The following RNMT variants were observed in gnomAD, a reference collection of about 807,000 sequenced individuals.
RNMT encodes RNA guanine-7 methyltransferase, also known as mRNA cap guanine-N(7) methyltransferase.
In RNMT, 27 loss-of-function variants were observed where a neutral mutation model predicts 56.0. That is an observed-to-expected ratio of 0.48 (90% CI 0.36 to 0.67). The LOEUF is 0.67. Ranked by LOEUF, RNMT falls within the 30% of genes least tolerant of loss-of-function variation. The pLI is 0.00. For synonymous variants in RNMT, 184 were observed against 176.2 expected, an observed-to-expected ratio of 1.04 and a Z score of -0.35; for missense variants, 519 against 552.1, an observed-to-expected ratio of 0.94 and a Z score of 0.60.
chr18:13,753,852 AT>A (rs2044498468), intron 10 of RNMT, among the ~76,000 whole-genome samples: 1 of 93,250 alleles, frequency 1.1e-5, no homozygotes, highest in Non-Finnish European at 2.4e-5. Flanking sequence ...CACACACACA[AT>A]GCCCTCTTCA....
intron 5 of RNMT, 93 bp downstream of exon 5, chr18:13,737,228 A>G (rs1568501556): frequency 1.8e-6 from 2 of 1,124,250 alleles, no homozygotes; most frequent in South Asian, 1.7e-5. Flanking sequence ...ATCTGGGACT[A>G]TGCATGAGAT....
At chr18:13,758,084 C>CAGTA (rs2044572310) in intron 11 of RNMT, among the ~76,000 whole-genome samples, 1 of 152,154 alleles carries the variant, frequency 6.6e-6, no homozygotes, top group Non-Finnish European at 1.5e-5. Context: ...CTAAAATACT[C>CAGTA]AGTAAACCGT....
chr18:13,747,800 A>T (rs541379251), intron 9 of RNMT, among the ~76,000 whole-genome samples: 1 of 152,282 alleles, frequency 6.6e-6, no homozygotes, highest in South Asian at 2.1e-4. Flanking sequence ...TTGGCTTTAT[A>T]TTAGGAATGG....
At chr18:13,732,385 T>C (rs75714597) in intron 3 of RNMT, among the ~76,000 whole-genome samples, 1 of 152,158 alleles carries the variant, frequency 6.6e-6, no homozygotes, top group Non-Finnish European at 1.5e-5. Flanking sequence ...CAGCTCTAGT[T>C]TTTTTGTCAG....
chr18:13,755,979 G>A (rs1010566840), intron 11 of RNMT, among the ~76,000 whole-genome samples: 1 of 152,164 alleles, frequency 6.6e-6, no homozygotes. Context: ...ATTGCACCTC[G>A]GGTGTAGCAC....
intron 5 of RNMT, among the ~76,000 whole-genome samples, chr18:13,739,563 A>G (rs12104086): frequency 0.24 from 36,484 of 152,158 alleles, 5,257 homozygotes; most frequent in East Asian, 0.37. Flanking sequence ...AGGGTGGATC[A>G]CTTGAGGCCA....
Position 13,761,205 on chromosome 18 carries a change from T to G in RNMT, c.*1226T>G, listed in dbSNP as rs950524728. The G allele has an allele frequency of 2.0e-6, 2 of 985,356 alleles. No individual in the cohort carries two copies. Among genetic ancestry groups the G allele is most frequent in the South Asian group, 4.7e-5 (1 of 21,294 alleles). 61.0% of individuals were successfully genotyped at this position (985,356 alleles called of 1,614,324 possible). A position where few individuals can be genotyped will look rare whatever the true frequency, so the allele number is the denominator to read the frequency against. ...TTGCAAACTTTTTAGCAAGAAAATA[T>G]GGATTTCCTCATTTCAGTTCCTTCT... On this transcript the variant is annotated 3_prime_UTR_variant, in exon 12 of 12. Coordinates refer to ENST00000383314, the MANE Select transcript of RNMT (RefSeq NM_003799.3).
At chr18:13,755,990 C>G (rs1434679973) in intron 11 of RNMT, among the ~76,000 whole-genome samples, 1 of 152,152 alleles carries the variant, frequency 6.6e-6, no homozygotes, top group African/African-American at 2.4e-5. Context: ...GGTGTAGCAC[C>G]CCAGGATTGT....
intron 11 of RNMT, 92 bp from the exon 12 acceptor site, chr18:13,759,850 C>A: frequency 1.8e-6 from 2 of 1,095,634 alleles, no homozygotes; most frequent in South Asian, 1.4e-5. Context: ...TGCTTGAGAG[C>A]CTAAGAATTT....
intron 8 of RNMT, 121 bp from the exon 9 acceptor site, chr18:13,746,099 A>G: frequency 1.6e-6 from 1 of 636,262 alleles, no homozygotes; most frequent in Non-Finnish European, 2.8e-6. Flanking sequence ...TGTATTGTGA[A>G]TTTATCAAGG....
chr18:13,764,383 G>A lies in RNMT; in HGVS notation c.*4404G>A. Reference sequence around the variant, plus strand: ...TCCTGAGTTCTAAGCGCATAGATTAGTTCTGTCTGGTTTGGGGAGATATAT... The same window carrying A: ...TCCTGAGTTCTAAGCGCATAGATTAATTCTGTCTGGTTTGGGGAGATATAT... On this transcript the variant is annotated 3_prime_UTR_variant, in exon 12 of 12. Coordinates refer to ENST00000383314, the MANE Select transcript of RNMT (RefSeq NM_003799.3). The A allele has an allele frequency of 6.6e-6, 1 of 152,130 alleles. No homozygotes were observed. The highest frequency in any genetic ancestry group is 1.9e-4 in the East Asian group (1 of 5,190). 9.4% of individuals were successfully genotyped at this position (152,130 alleles called of 1,614,324 possible).
chr18:13,753,336 G>GC (rs1459484820), intron 10 of RNMT, among the ~76,000 whole-genome samples: 1 of 152,132 alleles, frequency 6.6e-6, no homozygotes, highest in East Asian at 1.9e-4. Flanking sequence ...GTGGTGACGG[G>GC]CCCCTATAGT....
At chr18:13,734,331 G>T in intron 3 of RNMT, 133 bp from the exon 4 acceptor site, 3 of 709,682 alleles carry the variant, frequency 4.2e-6, no homozygotes, top group Non-Finnish European at 6.7e-6. Context: ...TGAGACTTCT[G>T]TGGTTAATTG....
Position 13,760,123 on chromosome 18 carries a change from C to G in RNMT, c.*144C>G. 7.2e-7 allele frequency: 1 copy of G among 1,393,840 alleles called. No homozygotes were observed. Among genetic ancestry groups the G allele is most frequent in the Non-Finnish European group, 9.3e-7 (1 of 1,070,452 alleles). The allele number at this position is 1,393,840 out of a possible 1,614,324, so 86.3% of individuals were successfully genotyped here. A position where few individuals can be genotyped will look rare whatever the true frequency, so the allele number is the denominator to read the frequency against. ...TGCCAGAAACTCCAATGTAGAAATT[C>G]AACATTTGCTGTCTGTGACAGATGA... On this transcript the variant is annotated 3_prime_UTR_variant, in exon 12 of 12. Transcript: ENST00000383314.
chr18:13,754,640 C>A (rs1291773605), intron 11 of RNMT, among the ~76,000 whole-genome samples: 1 of 152,194 alleles, frequency 6.6e-6, no homozygotes, highest in African/African-American at 2.4e-5. Context: ...AGAGAAGATA[C>A]ACTGTACACA....
chr18:13,747,755 A>G (rs1034123259), intron 9 of RNMT, among the ~76,000 whole-genome samples: 2 of 152,142 alleles, frequency 1.3e-5, no homozygotes, highest in African/African-American at 2.4e-5. Context: ...CTCATTAGTT[A>G]TATTTCCTAT....
At chr18:13,733,401 A>T (rs2044107069) in intron 3 of RNMT, among the ~76,000 whole-genome samples, 1 of 151,724 alleles carries the variant, frequency 6.6e-6, no homozygotes, top group East Asian at 1.9e-4. Flanking sequence ...TTTTTTTTTG[A>T]GAGTCTCGCT....
chr18:13,754,150 G>A lies in RNMT; in HGVS notation c.1393+3G>A. The A allele has an allele frequency of 6.4e-7, 1 of 1,561,548 alleles. No individual in the cohort carries two copies. The highest frequency in any genetic ancestry group is 8.8e-7 in the Non-Finnish European group (1 of 1,134,304). ...TAAATCAGAATGGGAAGCTACAAGT[G>A]AGTATATCATCAGCATAGATTAACT... On this transcript the variant is annotated splice_donor_region_variant and intron_variant, in intron 11 of 11. Coordinates refer to ENST00000383314, the MANE Select transcript of RNMT (RefSeq NM_003799.3).
chr18:13,743,769 CTTA>C (rs2044298986), intron 8 of RNMT, among the ~76,000 whole-genome samples: 1 of 151,502 alleles, frequency 6.6e-6, no homozygotes, highest in Non-Finnish European at 1.5e-5. Context: ...CTGCTTGGTG[CTTA>C]TTTTAATTGT....
Sources: gnomAD v4.1 joint callset for allele counts (sites outside exome capture counted in the v4.1 genomes callset) on GRCh38, gnomAD v4.1.1 for gene constraint, MANE v1.5 for transcripts, NCBI Gene and HGNC (gene_info 2026-07-23, HGNC 2026-07-21) for gene names.